Variants in XPNPEP1 observed in about 807,000 individuals in gnomAD.
XPNPEP1 encodes the protein X-prolyl aminopeptidase 1.
XPNPEP1 carries 39 observed loss-of-function variants against 92.4 expected under a neutral mutation model. The observed-to-expected ratio is 0.42, with a 90% confidence interval of 0.33 to 0.55. The LOEUF is 0.55. XPNPEP1 is among the 20% of genes least tolerant of loss of function. The pLI is 0.08. For missense variants in XPNPEP1, 654 were observed against 856.1 expected (o/e 0.76, Z 2.95); for synonymous variants, 307 against 299.4 (o/e 1.03, Z -0.26).
At position 109,907,640 on chromosome 10, in the gene XPNPEP1, G is replaced by A. The variant is rs779553850; in HGVS notation, c.246+51C>T. The A allele has an allele frequency of 5.0e-6, 8 of 1,611,948 alleles. 1 individual carries two copies. In the East Asian group the frequency reaches 1.6e-4, roughly 31 times the overall value. On this transcript the variant is annotated intron_variant, in intron 3 of 20. Transcript: ENST00000502935. ...ATTAGAATCCTACAAACACATTAGG[G>A]CTGGGGAAAAAAGACTGAAAAGAAA...
intron 2 of XPNPEP1, among the ~76,000 whole-genome samples, chr10:109,912,371 T>C (rs1589630352): frequency 6.6e-6 from 1 of 152,068 alleles, no homozygotes; most frequent in South Asian, 2.1e-4. Context: ...GCAGCAACAG[T>C]GAAGGTGAAG....
intron 3 of XPNPEP1, among the ~76,000 whole-genome samples, chr10:109,900,859 G>A (rs1033274988): frequency 2.5e-4 from 38 of 152,228 alleles, no homozygotes; most frequent in African/African-American, 9.1e-4. Context: ...CAAGCTTATT[G>A]TCATGCATGT....
At chr10:109,917,971 G>A (rs200853013) in intron 1 of XPNPEP1, among the ~76,000 whole-genome samples, 2 of 152,074 alleles carry the variant, frequency 1.3e-5, no homozygotes, top group Non-Finnish European at 2.9e-5. Flanking sequence ...AAATTAGTCA[G>A]GCATGGTGGT....
chr10:109,873,418 G>T lies in XPNPEP1; in HGVS notation c.1401C>A (p.Thr467=). The T allele has an allele frequency of 6.2e-7, 1 of 1,614,082 alleles. No individual in the cohort carries two copies. Among genetic ancestry groups the T allele is most frequent in the Non-Finnish European group, 8.5e-7 (1 of 1,180,016 alleles). Reference sequence around the variant, plus strand: ...AATGCATTGTCCGCGTCACATCTGTGGTGCCATCCCTTTCCAAAAAAAGGA... The same window carrying T: ...AATGCATTGTCCGCGTCACATCTGTTGTGCCATCCCTTTCCAAAAAAAGGA... ...IDSGAQYKDG[T]TDVTRTMHFG... Residue 467 remains threonine (T), a synonymous_variant, in exon 16 of 21, where the codon ACC becomes ACA. Transcript: ENST00000502935.
chr10:109,889,418 G>A (rs1397027464), intron 5 of XPNPEP1, among the ~76,000 whole-genome samples: 1 of 152,128 alleles, frequency 6.6e-6, no homozygotes, highest in East Asian at 1.9e-4. Context: ...AGCCAGGTTG[G>A]TCTTGAACTC....
At chr10:109,883,874 G>A (rs1478452107) in intron 9 of XPNPEP1, 193 bp downstream of exon 9, 9 of 534,486 alleles carry the variant, frequency 1.7e-5, no homozygotes, top group Non-Finnish European at 2.9e-5. Flanking sequence ...CATTTTGGGG[G>A]CTCAAAGAGA....
chr10:109,877,517 C>A, intron 14 of XPNPEP1: 1 of 466,084 alleles, frequency 2.1e-6, no homozygotes, highest in Non-Finnish European at 3.9e-6. Context: ...CATACAGTTC[C>A]TGCAGCTTCA....
chr10:109,910,007 A>G (rs1849776983), intron 2 of XPNPEP1, among the ~76,000 whole-genome samples: 1 of 152,184 alleles, frequency 6.6e-6, no homozygotes, highest in Non-Finnish European at 1.5e-5. Context: ...GGTGTTGTAC[A>G]TTCTATGGGT....
intron 7 of XPNPEP1, among the ~76,000 whole-genome samples, 172 bp downstream of exon 7, chr10:109,887,877 G>C (rs1433401439): frequency 6.6e-6 from 1 of 152,252 alleles, no homozygotes; most frequent in Non-Finnish European, 1.5e-5. Context: ...GGTGGCAACA[G>C]TGGAAACAAA....
rs1004841422 is a variant in XPNPEP1 at position 109,893,207 on chromosome 10, C to T, written c.247-132G>A. On this transcript the variant is annotated intron_variant, in intron 3 of 20. Coordinates refer to ENST00000502935, the MANE Select transcript of XPNPEP1 (RefSeq NM_020383.4). ...ATCCTTGGCCCCCGCCCTCAAGAAG[C>T]CAACAGTCTAGCTGAAAACAACAGA... is the stretch of plus-strand genomic sequence containing the variant. 5 of 732,240 alleles carry T rather than the reference C, an allele frequency of 6.8e-6. No individual in the cohort carries two copies. In the East Asian group the frequency reaches 1.4e-4, roughly 20 times the overall value. The allele number at this position is 732,240 out of a possible 1,614,324, so 45.4% of individuals were successfully genotyped here. A position where few individuals can be genotyped will look rare whatever the true frequency, so the allele number is the denominator to read the frequency against.
chr10:109,866,657 T>A (rs895206658), intron 20 of XPNPEP1, among the ~76,000 whole-genome samples: 7 of 152,196 alleles, frequency 4.6e-5, no homozygotes, highest in African/African-American at 1.2e-4. Context: ...CATATTCATA[T>A]CTGACCAAGG....
At chr10:109,916,342 G>A (rs1358679700) in intron 1 of XPNPEP1, among the ~76,000 whole-genome samples, 1 of 136,420 alleles carries the variant, frequency 7.3e-6, no homozygotes, top group Non-Finnish European at 1.6e-5. Flanking sequence ...CTGAGGAAAA[G>A]CAAGAAGGTC....
intron 9 of XPNPEP1, among the ~76,000 whole-genome samples, chr10:109,883,484 T>C (rs1848220933): frequency 6.6e-6 from 1 of 152,116 alleles, no homozygotes; most frequent in Non-Finnish European, 1.5e-5. Flanking sequence ...GCCCAAATAC[T>C]TTAGAAAGAG....
intron 10 of XPNPEP1, 57 bp downstream of exon 10, chr10:109,882,374 AT>A: frequency 6.4e-7 from 1 of 1,574,726 alleles, no homozygotes; most frequent in Non-Finnish European, 8.7e-7. Flanking sequence ...TCCAAAGACA[AT>A]ACCAGAACTG....
intron 19 of XPNPEP1, 76 bp from the exon 20 acceptor site, chr10:109,868,788 C>T: frequency 7.3e-7 from 1 of 1,373,294 alleles, no homozygotes; most frequent in Non-Finnish European, 1.0e-6. Context: ...ATTCCACCAG[C>T]ATGCCATCCC....
intron 14 of XPNPEP1, 178 bp downstream of exon 14, chr10:109,877,612 G>A: frequency 1.3e-6 from 1 of 767,334 alleles, no homozygotes; most frequent in Non-Finnish European, 2.1e-6. Flanking sequence ...CCAAAAGGCA[G>A]AGGCTTGGGG....
intron 17 of XPNPEP1, 31 bp downstream of exon 17, chr10:109,871,761 A>G: frequency 6.3e-7 from 1 of 1,597,982 alleles, no homozygotes; most frequent in Non-Finnish European, 8.5e-7. Context: ...CAAGAAAAAG[A>G]GCCTGCCATG....
At chr10:109,889,439 G>A (rs1848581048) in intron 5 of XPNPEP1, among the ~76,000 whole-genome samples, 1 of 152,200 alleles carries the variant, frequency 6.6e-6, no homozygotes, top group South Asian at 2.1e-4. Flanking sequence ...CTGGCCTCAA[G>A]TGATCCTCCC....
chr10:109,872,071 C>T (rs756943212), intron 16 of XPNPEP1, among the ~76,000 whole-genome samples: 1 of 152,232 alleles, frequency 6.6e-6, no homozygotes, highest in Non-Finnish European at 1.5e-5. Flanking sequence ...TAGAAGAGCA[C>T]TGTCAGAGAG....
Sources: allele counts gnomAD v4.1 joint callset (sites outside exome capture counted in the v4.1 genomes callset), GRCh38; gene constraint gnomAD v4.1.1; transcripts MANE v1.5; gene names NCBI Gene and HGNC (gene_info 2026-07-23, HGNC 2026-07-21).